ZC3H12B: variants seen among roughly 807,000 people sequenced by gnomAD.
ZC3H12B encodes the protein zinc finger CCCH-type containing 12B, also known as probable ribonuclease ZC3H12B.
Under a neutral mutation model 43.9 loss-of-function variants are expected in ZC3H12B, and 7 were observed. The observed-to-expected ratio is 0.16, with a 90% CI of 0.09 to 0.30. The LOEUF is 0.30. Ranked by LOEUF, ZC3H12B falls within the 10% of genes least tolerant of loss-of-function variation. The probability of loss-of-function intolerance (pLI) is 1.00; values close to 1 mark genes in which losing one functional copy is unlikely to be tolerated. For synonymous variants in ZC3H12B, 222 were observed against 241.7 expected (o/e 0.92, Z 0.76); for missense variants, 475 against 670.2 (o/e 0.71, Z 3.22).
chrX:65,250,975 C>A, the ZC3H12B span, among the ~76,000 whole-genome samples: 2 of 111,888 alleles, frequency 1.8e-5, no homozygotes, highest in African/African-American at 6.5e-5. Context: ...GCTTTTGTTG[C>A]CATTGCTTTT....
chrX:65,493,544 C>T (rs942740692), intron 1 of ZC3H12B, among the ~76,000 whole-genome samples: 2 of 111,837 alleles, frequency 1.8e-5, no homozygotes, highest in African/African-American at 6.5e-5. Context: ...AAGGAGAAAT[C>T]CATTTCAGAG....
At chrX:65,341,622 C>T in the ZC3H12B span, among the ~76,000 whole-genome samples, 3 of 110,662 alleles carry the variant, frequency 2.7e-5, no homozygotes, top group Non-Finnish European at 5.7e-5. Context: ...ACTTCATAAG[C>T]AAAGGTAGAA....
chrX:65,247,696 A>T, the ZC3H12B span, among the ~76,000 whole-genome samples: 1 of 111,977 alleles, frequency 8.9e-6, no homozygotes, highest in East Asian at 2.8e-4. Flanking sequence ...ATGAGAACAC[A>T]TGGTTGGGAA....
the ZC3H12B span, among the ~76,000 whole-genome samples, chrX:65,213,714 T>A: frequency 9.1e-6 from 1 of 110,419 alleles, no homozygotes; most frequent in Non-Finnish European, 1.9e-5. Context: ...GTTTTTTGTT[T>A]TAATGACTAC....
At chrX:65,159,012 C>T in the ZC3H12B span, among the ~76,000 whole-genome samples, 9,191 of 111,597 alleles carry the variant, frequency 0.082, 1,025 homozygotes, top group African/African-American at 0.29. Context: ...TTTCCCAGCA[C>T]CATTTATTAA....
intron 3 of ZC3H12B, among the ~76,000 whole-genome samples, chrX:65,456,612 T>G (rs1217636268): frequency 7.2e-5 from 7 of 97,728 alleles, no homozygotes; most frequent in East Asian, 3.1e-4. Flanking sequence ...CTGGTTTTCG[T>G]TTTTTTTTTT....
chrX:65,051,462 G>T, the ZC3H12B span, among the ~76,000 whole-genome samples: 1 of 110,053 alleles, frequency 9.1e-6, no homozygotes, highest in Non-Finnish European at 1.9e-5. Flanking sequence ...TCTTTTTTAG[G>T]TGGAAGAAAT....
the ZC3H12B span, among the ~76,000 whole-genome samples, chrX:65,136,043 T>G: frequency 1.8e-5 from 2 of 111,882 alleles, no homozygotes; most frequent in Non-Finnish European, 1.9e-5. Flanking sequence ...TGTCATCTAT[T>G]AATTGTATTT....
chrX:65,159,454 T>C, the ZC3H12B span, among the ~76,000 whole-genome samples: 3 of 111,846 alleles, frequency 2.7e-5, no homozygotes, highest in Admixed American at 2.9e-4. Flanking sequence ...AGCAGTGGTC[T>C]GTAGTTCTCC....
chrX:65,259,675 G>A, the ZC3H12B span, among the ~76,000 whole-genome samples: 1 of 111,937 alleles, frequency 8.9e-6, no homozygotes, highest in Non-Finnish European at 1.9e-5. Flanking sequence ...TTCCTTTAAA[G>A]AACTAAAAGT....
At chrX:65,219,095 C>G in the ZC3H12B span, among the ~76,000 whole-genome samples, 1 of 111,545 alleles carries the variant, frequency 9.0e-6, no homozygotes, top group Non-Finnish European at 1.9e-5. Context: ...GTTTGGCTCT[C>G]AAGAAGCTCC....
chrX:65,455,651 G>T (rs1348356866), intron 3 of ZC3H12B, among the ~76,000 whole-genome samples: 36 of 111,374 alleles, frequency 3.2e-4, no homozygotes, highest in Non-Finnish European at 6.6e-4. Flanking sequence ...TCCTTGAGAA[G>T]AGCAACCCCA....
chrX:65,048,177 T>C, the ZC3H12B span, among the ~76,000 whole-genome samples: 26,684 of 110,766 alleles, frequency 0.24, 7,697 homozygotes, highest in African/African-American at 0.83. Context: ...GTTTATTTCA[T>C]TTAGCATAAA....
chrX:65,331,763 C>T, the ZC3H12B span, among the ~76,000 whole-genome samples: 1 of 110,686 alleles, frequency 9.0e-6, no homozygotes, highest in Non-Finnish European at 1.9e-5. Context: ...AACGGGTGAG[C>T]AATCCCCAAA....
intron 2 of ZC3H12B, among the ~76,000 whole-genome samples, chrX:65,374,068 GTATATATAACTATATATAGTA>G (rs1309389193): frequency 3.7e-5 from 2 of 53,527 alleles, no homozygotes; most frequent in Admixed American, 2.7e-4. Context: ...TATATATACA[GTATATATAACTATATATAGTA>G]TATATATAAC....
At position 65,388,460 on chromosome X, in the gene ZC3H12B, C is replaced by T. The variant is rs780808227; in HGVS notation, n.296-10133C>T. ...GCTACTGAGGCTTGTGCATTCATCACGTAGTTCTCGTGCCTTGGTATTCAG... is the reference window on the plus strand; with the variant it reads ...GCTACTGAGGCTTGTGCATTCATCATGTAGTTCTCGTGCCTTGGTATTCAG... On this transcript the variant is annotated intron_variant and non_coding_transcript_variant, in intron 2 of 5. Transcript: ENST00000617377. Among the ~76,000 whole-genome samples the T allele has an allele frequency of 3.6e-5, 4 of 112,191 alleles. No homozygotes were observed. In the South Asian group the frequency reaches 1.1e-3, roughly 31 times the overall value.
upstream of ZC3H12B, among the ~76,000 whole-genome samples, chrX:65,362,438 C>T (rs1022391443): frequency 4.5e-5 from 5 of 110,814 alleles, no homozygotes; most frequent in African/African-American, 1.6e-4. Context: ...TTTAGTTATC[C>T]CCACTTGCCC....
chrX:65,369,192 G>A (rs766996500), intron 2 of ZC3H12B, among the ~76,000 whole-genome samples, 194 bp downstream of exon 4: 2 of 111,712 alleles, frequency 1.8e-5, no homozygotes, highest in Non-Finnish European at 1.9e-5. Context: ...TATCTTCTTA[G>A]GTTGAAAATA....
At chrX:65,261,624 A>G in the ZC3H12B span, among the ~76,000 whole-genome samples, 1 of 111,160 alleles carries the variant, frequency 9.0e-6, no homozygotes, top group Non-Finnish European at 1.9e-5. Context: ...TGTGTTTAAT[A>G]TTTATTAGGA....
Sources: gnomAD v4.1 joint callset for allele counts (sites outside exome capture counted in the v4.1 genomes callset) on GRCh38, gnomAD v4.1.1 for gene constraint, MANE v1.5 for transcripts, NCBI Gene and HGNC (gene_info 2026-07-23, HGNC 2026-07-21) for gene names.